Variants in CYRIA observed in about 807,000 individuals in gnomAD.
The protein encoded by CYRIA is CYFIP-related Rac1 interactor A.
In CYRIA, 15 loss-of-function variants were observed where a neutral mutation model predicts 43.9. The observed-to-expected ratio is 0.34, with a 90% CI of 0.23 to 0.53. The LOEUF (loss-of-function observed/expected upper bound fraction) is 0.53, where lower values mean the gene tolerates loss of function less well. Ranked by LOEUF, CYRIA falls within the 20% of genes least tolerant of loss-of-function variation. CYRIA has a pLI of 0.94. For synonymous variants in CYRIA, 117 were observed against 136.0 expected (o/e 0.86, Z 0.97); for missense variants, 236 against 394.2 (o/e 0.60, Z 3.40).
chr2:16,619,361 CTG>C (rs1011106781), intron 2 of CYRIA, among the ~76,000 whole-genome samples: 11 of 152,164 alleles, frequency 7.2e-5, no homozygotes, highest in African/African-American at 2.4e-4. Flanking sequence ...ATAAAACCCT[CTG>C]TGTGTGTGTG....
chr2:16,608,672 AGT>A (rs1668489585), intron 2 of CYRIA, among the ~76,000 whole-genome samples: 1 of 152,222 alleles, frequency 6.6e-6, no homozygotes, highest in African/African-American at 2.4e-5. Context: ...TTACTAAGTA[AGT>A]AAGATAATGC....
chr2:16,626,559 C>G (rs1321597137), intron 1 of CYRIA, among the ~76,000 whole-genome samples: 3 of 152,154 alleles, frequency 2.0e-5, no homozygotes, highest in Non-Finnish European at 4.4e-5. Flanking sequence ...CCCACTACTC[C>G]AAACCAAACA....
rs1006968395 is a variant in CYRIA, at chr2:16,562,107, A to G, written c.333T>C (p.Thr111=). Residue 111 remains threonine, a synonymous_variant, in exon 6 of 12, where the codon ACT becomes ACC. Transcript: ENST00000381323. ...KALQSLLESL[T]CPPYTPTQHL... is the part of the protein sequence containing the mutation. ...GTTGGGTTGGTGTGTAGGGTGGACA[A>G]GTCAGAGATTCCAATAAACTCTGAA... 26 of 1,612,654 alleles carry G rather than the reference A, an allele frequency of 1.6e-5. No individual in the cohort carries two copies. The highest frequency in any genetic ancestry group is 2.2e-5 in the Non-Finnish European group (26 of 1,179,160).
At chr2:16,581,123 C>G (rs973180261) in intron 3 of CYRIA, among the ~76,000 whole-genome samples, 3 of 152,084 alleles carry the variant, frequency 2.0e-5, no homozygotes. Context: ...AAATTTGAAA[C>G]TTCCATTCAT....
chr2:16,555,535 C>T (rs2103400671), intron 10 of CYRIA, among the ~76,000 whole-genome samples: 1 of 152,118 alleles, frequency 6.6e-6, no homozygotes, highest in East Asian at 1.9e-4. Flanking sequence ...TTGAGATTTA[C>T]TGAATAAAAT....
At chr2:16,644,337 G>T (rs1017003691) in intron 1 of CYRIA, among the ~76,000 whole-genome samples, 1 of 152,170 alleles carries the variant, frequency 6.6e-6, no homozygotes, top group Admixed American at 6.5e-5. Context: ...CACACAGGGA[G>T]GTTAAGACTG....
intron 3 of CYRIA, among the ~76,000 whole-genome samples, chr2:16,572,540 A>G (rs1438189979): frequency 1.3e-5 from 2 of 152,200 alleles, no homozygotes; most frequent in Non-Finnish European, 2.9e-5. Flanking sequence ...ATGAAAGAAG[A>G]AACCAATAGT....
At chr2:16,553,721 T>C (rs759885757) in intron 11 of CYRIA, among the ~76,000 whole-genome samples, 18 of 152,136 alleles carry the variant, frequency 1.2e-4, no homozygotes, top group Admixed American at 2.0e-4. Context: ...TTCAAACCTA[T>C]ATTTTGCTAT....
chr2:16,585,941 T>C (rs1434124067), intron 3 of CYRIA, among the ~76,000 whole-genome samples: 1 of 152,136 alleles, frequency 6.6e-6, no homozygotes, highest in African/African-American at 2.4e-5. Context: ...ACTGCATTTA[T>C]TTTAAATCCC....
In CYRIA at chr2:16,562,067, G is replaced by C. The variant is rs1666754395; in HGVS notation, c.373C>G (p.Gln125Glu). 6.2e-7 allele frequency: 1 copy of C among 1,613,564 alleles called. No individual in the cohort carries two copies. The highest frequency in any genetic ancestry group is 1.7e-5 in the Admixed American group (1 of 59,974). The change falls in exon 6 of 12, where the codon CAG becomes GAG. Residue 125 changes from glutamine to glutamate, a missense_variant. This residue lies in a region of CYRIA where 193 missense variants were observed against 303.9 expected (regional missense o/e 0.64). Transcript: ENST00000381323. The part of the protein sequence containing the change: ...YTPTQHLERE[Q>E]ALAKEFAEIL... ...TCGGCAAACTCCTTTGCCAGGGCCT[G>C]TTCCCTTTCCAGGTGTTGGGTTGGT...
chr2:16,657,910 A>T (rs1177008203), intron 1 of CYRIA, among the ~76,000 whole-genome samples: 4 of 152,204 alleles, frequency 2.6e-5, no homozygotes, highest in Non-Finnish European at 5.9e-5. Flanking sequence ...GATGAAATAA[A>T]CTTCCCATTT....
intron 3 of CYRIA, among the ~76,000 whole-genome samples, chr2:16,577,161 G>A (rs1321881072): frequency 6.7e-6 from 1 of 149,602 alleles, no homozygotes; most frequent in African/African-American, 2.5e-5. Context: ...TAGATCTCAT[G>A]GTAAGTCTTC....
At chr2:16,554,778 A>C (rs1174406685) in intron 11 of CYRIA, among the ~76,000 whole-genome samples, 2 of 152,186 alleles carry the variant, frequency 1.3e-5, no homozygotes, top group Non-Finnish European at 1.5e-5. Context: ...AGTGTGGCTG[A>C]GAATCAGGTC....
intron 1 of CYRIA, among the ~76,000 whole-genome samples, chr2:16,636,806 A>T (rs77885554): frequency 7.4e-5 from 10 of 135,202 alleles, no homozygotes; most frequent in East Asian, 6.5e-4. Flanking sequence ...AAAAAAAAAA[A>T]TAAGAAAGAA....
At position 16,551,020 on chromosome 2, in the gene CYRIA, C is replaced by T. The variant is rs890542459; in HGVS notation, c.*1916G>A. 6.6e-6 allele frequency: 1 copy of T among 152,110 alleles called. No individual in the cohort carries two copies. Among genetic ancestry groups the T allele is most frequent in the Non-Finnish European group, 1.5e-5 (1 of 68,002 alleles). The allele number at this position is 152,110 out of a possible 1,614,324, so 9.4% of individuals were successfully genotyped here. On this transcript the variant is annotated 3_prime_UTR_variant, in exon 12 of 12. Transcript: ENST00000381323. ...AGGTTCAAAAAGGTCTTGAAGACCA[C>T]CTAGCATATTTCTATTCTGATGAGA...
intron 1 of CYRIA, among the ~76,000 whole-genome samples, chr2:16,641,639 C>T (rs901433831): frequency 6.6e-6 from 1 of 152,256 alleles, no homozygotes; most frequent in Non-Finnish European, 1.5e-5. Context: ...CCAAGTTTAA[C>T]TTTGCATACT....
intron 2 of CYRIA, among the ~76,000 whole-genome samples, chr2:16,607,086 A>C (rs1404788988): frequency 6.6e-6 from 1 of 152,228 alleles, no homozygotes; most frequent in African/African-American, 2.4e-5. Flanking sequence ...ACTTCACTTG[A>C]AATCTCAGAG....
intron 1 of CYRIA, among the ~76,000 whole-genome samples, chr2:16,641,851 C>CCAA (rs1669686590): frequency 1.3e-5 from 2 of 152,170 alleles, no homozygotes; most frequent in South Asian, 2.1e-4. Flanking sequence ...GATGCTGAAG[C>CCAA]CAATGGTCAA....
chr2:16,565,406 GAAC>G (rs1453097258), intron 4 of CYRIA, among the ~76,000 whole-genome samples: 3 of 152,078 alleles, frequency 2.0e-5, no homozygotes, highest in African/African-American at 7.2e-5. Context: ...GCCTGGTCTT[GAAC>G]TCCTGACCTC....
Sources: gnomAD v4.1 joint callset for allele counts (sites outside exome capture counted in the v4.1 genomes callset) on GRCh38, gnomAD v4.1.1 for gene constraint, gnomAD v4.1.1 regional missense constraint, MANE v1.5 for transcripts, NCBI Gene and HGNC (gene_info 2026-07-23, HGNC 2026-07-21) for gene names.